Variants in ACTL6B observed in about 807,000 individuals in gnomAD.
ACTL6B encodes the protein actin-like protein 6B.
In ACTL6B, 48 loss-of-function variants were observed where a neutral mutation model predicts 63.3. That is an observed-to-expected ratio of 0.76 (90% CI 0.60 to 0.96). ACTL6B has a LOEUF of 0.96. Ranked by LOEUF, ACTL6B falls within the 50% of genes least tolerant of loss-of-function variation. ACTL6B has a pLI of 0.00. For synonymous variants in ACTL6B, 230 were observed against 223.8 expected (o/e 1.03, Z -0.25); for missense variants, 350 against 572.2 (o/e 0.61, Z 3.96).
chr7:100,652,259 G>A (rs561018664), intron 4 of ACTL6B, among the ~76,000 whole-genome samples: 6 of 151,968 alleles, frequency 3.9e-5, no homozygotes, highest in Non-Finnish European at 8.8e-5. Context: ...TTAGCCGGGC[G>A]TGGTGGTGGG....
rs774082698 is a variant in ACTL6B at position 100,646,511 on chromosome 7, G to T, written c.1113+40C>A. ...ACTCAGTCCTGGACAGCTGAGCCAG[G>T]ACGGGTGTCCAGGGCTCTGGGTCAG... On this transcript the variant is annotated intron_variant, in intron 12 of 13. Coordinates refer to ENST00000160382, the MANE Select transcript of ACTL6B (RefSeq NM_016188.5). This position sits in a 1 kb window ranked among gnomAD's most constrained non-coding sequence, Gnocchi z 6.1. 1 of 1,603,558 alleles carries T rather than the reference G, an allele frequency of 6.2e-7. No homozygotes were observed. Among genetic ancestry groups the T allele is most frequent in the Non-Finnish European group, 8.5e-7 (1 of 1,170,640 alleles).
intron 4 of ACTL6B, among the ~76,000 whole-genome samples, chr7:100,653,356 A>G (rs1270493753): frequency 6.6e-6 from 1 of 152,184 alleles, no homozygotes; most frequent in African/African-American, 2.4e-5. Context: ...TTTAAAGTCT[A>G]AAATACAACT....
intron 4 of ACTL6B, among the ~76,000 whole-genome samples, chr7:100,653,662 AAAAC>A (rs1803983374): frequency 6.6e-6 from 1 of 152,130 alleles, no homozygotes; most frequent in Admixed American, 6.6e-5. Context: ...CAAAGTCTCA[AAAAC>A]AAACAACAAA....
chr7:100,647,981 A>G lies in ACTL6B; in HGVS notation c.670-448T>C, dbSNP rs1256801909. Among the ~76,000 whole-genome samples the G allele has an allele frequency of 2.9e-5, 4 of 139,302 alleles. No individual in the cohort carries two copies. Among genetic ancestry groups the G allele is most frequent in the Non-Finnish European group, 6.1e-5 (4 of 65,096 alleles). The allele number at this position is 139,302 out of a possible 152,430, so 91.4% of individuals were successfully genotyped here. ...AGCTCTTTTTTTTTTTTTTTTTCAG[A>G]TGGAGTCTCACTCGGTCGCCCAGGC... On this transcript the variant is annotated intron_variant, in intron 7 of 13. Coordinates refer to ENST00000160382, the MANE Select transcript of ACTL6B (RefSeq NM_016188.5). This position sits in a 1 kb window ranked among gnomAD's most constrained non-coding sequence, Gnocchi z 4.4.
chr7:100,650,856 A>G (rs1282080813), intron 4 of ACTL6B, among the ~76,000 whole-genome samples: 2 of 152,310 alleles, frequency 1.3e-5, no homozygotes, highest in East Asian at 1.9e-4. Context: ...TCAGGGGGCA[A>G]CAAAATCCAA....
intron 4 of ACTL6B, among the ~76,000 whole-genome samples, chr7:100,653,547 G>T (rs1803981612): frequency 6.6e-6 from 1 of 152,128 alleles, no homozygotes; most frequent in Non-Finnish European, 1.5e-5. Flanking sequence ...CTACTCTGGA[G>T]ACTGAAATGA....
intron 13 of ACTL6B, among the ~76,000 whole-genome samples, chr7:100,645,362 A>G (rs1803801478): frequency 6.6e-6 from 1 of 151,916 alleles, no homozygotes; most frequent in African/African-American, 2.4e-5. Flanking sequence ...TGCCTCCTTT[A>G]CTAGTTGCCC....
intron 13 of ACTL6B, among the ~76,000 whole-genome samples, chr7:100,644,755 T>C: frequency 6.6e-6 from 1 of 151,184 alleles, no homozygotes; most frequent in East Asian, 2.0e-4. Context: ...CCAGGATATA[T>C]TATTAATACT....
intron 13 of ACTL6B, among the ~76,000 whole-genome samples, chr7:100,645,633 T>TC (rs1803806282): frequency 6.9e-6 from 1 of 145,202 alleles, no homozygotes; most frequent in African/African-American, 2.5e-5. Flanking sequence ...GTCCCTCTAC[T>TC]CCCAATTTTT....
intron 1 of ACTL6B, 130 bp downstream of exon 1, chr7:100,656,200 G>A (rs1391080584): frequency 9.6e-6 from 11 of 1,141,244 alleles, no homozygotes; most frequent in African/African-American, 4.9e-5. Context: ...AGGGGTGGCG[G>A]GAGACCCGAG....
At position 100,648,500 on chromosome 7, in the gene ACTL6B, C is replaced by T; in HGVS notation, c.669+56G>A. ...ATCTCATGTGTCAGAGGGTTGACGG[C>T]CATGGGGCGAGTGGCCAGGACTCTA... is the stretch of plus-strand genomic sequence containing the variant. On this transcript the variant is annotated intron_variant, in intron 7 of 13. Coordinates refer to ENST00000160382, the MANE Select transcript of ACTL6B (RefSeq NM_016188.5). This position sits in a 1 kb window ranked among gnomAD's most constrained non-coding sequence, Gnocchi z 4.4. The T allele has an allele frequency of 6.9e-7, 1 of 1,447,296 alleles. No individual in the cohort carries two copies. Among genetic ancestry groups the T allele is most frequent in the East Asian group, 2.4e-5 (1 of 41,188 alleles). 89.7% of individuals were successfully genotyped at this position (1,447,296 alleles called of 1,614,324 possible). A position where few individuals can be genotyped will look rare whatever the true frequency, so the allele number is the denominator to read the frequency against.
rs1056619914 is a variant in ACTL6B, at chr7:100,646,460, A to C, written c.1113+91T>G. 5 of 1,555,404 alleles carry C rather than the reference A, an allele frequency of 3.2e-6. No individual in the cohort carries two copies. The Admixed American group carries it at 6.7e-5, about 21-fold the overall frequency. On this transcript the variant is annotated intron_variant, in intron 12 of 13. Coordinates refer to ENST00000160382, the MANE Select transcript of ACTL6B (RefSeq NM_016188.5). The surrounding 1 kb of genome is among the most constrained non-coding windows in gnomAD (Gnocchi z 6.1). ...GTTCTGCTCTGGTGGCCAGAACAGAAGGAAGGACATGGGAAGGATGAAGGG... is the reference window on the plus strand; with the variant it reads ...GTTCTGCTCTGGTGGCCAGAACAGACGGAAGGACATGGGAAGGATGAAGGG...
At chr7:100,652,187 AG>A in intron 4 of ACTL6B, among the ~76,000 whole-genome samples, 1 of 151,968 alleles carries the variant, frequency 6.6e-6, no homozygotes, top group African/African-American at 2.4e-5. Flanking sequence ...TCGCGAGGTC[AG>A]GAGATGGAGA....
In ACTL6B at chr7:100,643,252, G is replaced by A; in HGVS notation, c.1275C>T (p.Cys425=). 1 of 1,613,956 alleles carries A rather than the reference G, an allele frequency of 6.2e-7. No homozygotes were observed. Among genetic ancestry groups the A allele is most frequent in the Non-Finnish European group, 8.5e-7 (1 of 1,179,956 alleles). The change falls in exon 14 of 14, where the codon TGC becomes TGT. Residue 425 remains cysteine, a synonymous_variant. Coordinates refer to ENST00000160382, the MANE Select transcript of ACTL6B (RefSeq NM_016188.5). Reference sequence around the variant, plus strand: ...TGTGTGGGGAGGAGTGCCATCAGGGGCACTTTCGCTCCACGCACTGCTTCC... The same window carrying A: ...TGTGTGGGGAGGAGTGCCATCAGGGACACTTTCGCTCCACGCACTGCTTCC... The part of the protein sequence containing the change: ...EGGKQCVERK[C]P
At position 100,646,292 on chromosome 7, in the gene ACTL6B, C is replaced by A; in HGVS notation, c.1157G>T (p.Arg386Leu). 6.2e-7 allele frequency: 1 copy of A among 1,614,072 alleles called. No individual in the cohort carries two copies. ...ACCCCCGATCCAGGGGCTGAACTTGCGCTCCATGGTGCTGTTGCTGGCAAT... is the reference window on the plus strand; with the variant it reads ...ACCCCCGATCCAGGGGCTGAACTTGAGCTCCATGGTGCTGTTGCTGGCAAT... ...KLIASNSTME[R>L]KFSPWIGGSI... Residue 386 changes from arginine to leucine, a missense_variant, in exon 13 of 14, where the codon CGC becomes CTC. Physicochemically the swap from Arg to Leu is moderately radical, Grantham distance 102 (BLOSUM62 -2). Coordinates refer to ENST00000160382, the MANE Select transcript of ACTL6B (RefSeq NM_016188.5). This position sits in a 1 kb window ranked among gnomAD's most constrained non-coding sequence, Gnocchi z 6.1.
chr7:100,655,218 A>T lies in ACTL6B; in HGVS notation c.269-99T>A. ...GAAAGGCCAAGCCCAAAGGAGGGTCAGTGAGTCCAGCTCCAGGGGAACGCC... is the reference window on the plus strand; with the variant it reads ...GAAAGGCCAAGCCCAAAGGAGGGTCTGTGAGTCCAGCTCCAGGGGAACGCC... On this transcript the variant is annotated intron_variant, in intron 3 of 13. Coordinates refer to ENST00000160382, the MANE Select transcript of ACTL6B (RefSeq NM_016188.5). The surrounding 1 kb of genome is among the most constrained non-coding windows in gnomAD (Gnocchi z 4.4). 2 of 1,225,310 alleles carry T rather than the reference A, an allele frequency of 1.6e-6. No individual in the cohort carries two copies. The highest frequency in any genetic ancestry group is 2.4e-6 in the Non-Finnish European group (2 of 846,534). 75.9% of individuals were successfully genotyped at this position (1,225,310 alleles called of 1,614,324 possible). A position where few individuals can be genotyped will look rare whatever the true frequency, so the allele number is the denominator to read the frequency against.
rs774126882 is a variant in ACTL6B, at chr7:100,655,412, G to C, written c.268+9C>G. 6.2e-6 allele frequency: 10 copies of C among 1,612,742 alleles called. No homozygotes were observed. Among genetic ancestry groups the C allele is most frequent in the Non-Finnish European group, 7.6e-6 (9 of 1,179,410 alleles). Reference sequence around the variant, plus strand: ...TTCTGTCAGGAGGTGATGGGTGGGGGCCCCTTACTCATGCCATTCTTGAGG... The same window carrying C: ...TTCTGTCAGGAGGTGATGGGTGGGGCCCCCTTACTCATGCCATTCTTGAGG... On this transcript the variant is annotated intron_variant, in intron 3 of 13. Coordinates refer to ENST00000160382, the MANE Select transcript of ACTL6B (RefSeq NM_016188.5). The surrounding 1 kb of genome is among the most constrained non-coding windows in gnomAD (Gnocchi z 4.4).
chr7:100,655,802 C>A lies in ACTL6B; in HGVS notation c.102+1G>T. On this transcript the variant is annotated splice_donor_variant, in intron 2 of 13. Transcript: ENST00000160382. LOFTEE classifies it high-confidence loss of function. The surrounding 1 kb of genome is among the most constrained non-coding windows in gnomAD (Gnocchi z 4.4). Reference sequence around the variant, plus strand: ...TTTGGAGAGGAGACTGGAAGGCTCACCTTGGGACAGTCCTCCCCAGCGTAC... The same window carrying A: ...TTTGGAGAGGAGACTGGAAGGCTCAACTTGGGACAGTCCTCCCCAGCGTAC... The A allele has an allele frequency of 6.4e-7, 1 of 1,566,530 alleles. No individual in the cohort carries two copies. The highest frequency in any genetic ancestry group is 8.7e-7 in the Non-Finnish European group (1 of 1,155,060).
In ACTL6B at chr7:100,655,755, G is replaced by T. The variant is rs377453265; in HGVS notation, c.102+48C>A. ...GCCCTGGGTCACTGGAAAGCCTGAA[G>T]AAGGGTCCGAAGCCCCTAGGATTTG... On this transcript the variant is annotated intron_variant, in intron 2 of 13. Transcript: ENST00000160382. This position sits in a 1 kb window ranked among gnomAD's most constrained non-coding sequence, Gnocchi z 4.4. The T allele has an allele frequency of 3.9e-6, 6 of 1,542,378 alleles. No individual in the cohort carries two copies. Among genetic ancestry groups the T allele is most frequent in the Non-Finnish European group, 4.4e-6 (5 of 1,142,094 alleles).
Sources: allele counts gnomAD v4.1 joint callset (sites outside exome capture counted in the v4.1 genomes callset), GRCh38; gene constraint gnomAD v4.1.1; non-coding constraint Gnocchi (gnomAD v3.1); transcripts MANE v1.5; gene names NCBI Gene and HGNC (gene_info 2026-07-23, HGNC 2026-07-21).